Variants in PFKP observed in about 807,000 individuals in gnomAD.
PFKP encodes the protein phosphofructokinase, platelet.
A neutral mutation model predicts 94.3 loss-of-function variants in PFKP; 101 were observed. The ratio of observed to expected loss-of-function variants is 1.07; its 90% CI spans 0.91 to 1.26. The LOEUF (loss-of-function observed/expected upper bound fraction) is 1.26, where lower values mean the gene tolerates loss of function less well. Among genes scored for constraint, PFKP ranks in the 50% most tolerant of loss-of-function variants. The pLI is 0.00. For synonymous variants in PFKP, 573 were observed against 432.6 expected, an observed-to-expected ratio of 1.32 and a Z score of -4.03; for missense variants, 1,145 against 1,103.3, an observed-to-expected ratio of 1.04 and a Z score of -0.53.
rs549195824 is a variant in PFKP, at chr10:3,106,077, C to T, written c.774+576C>T. 3.9e-5 allele frequency among the ~76,000 whole-genome samples: 6 copies of T among 152,324 alleles called. No individual in the cohort carries two copies. In the South Asian group the frequency reaches 1.2e-3, roughly 32 times the overall value. The stretch of plus-strand genomic sequence containing the variant: ...TCCGCTCACGCCGTTTTCTCTCTCC[C>T]GACTCTCTGCTGCTGGAGCCTGTGT... On this transcript the variant is annotated intron_variant, in intron 7 of 21. Transcript: ENST00000381125.
At chr10:3,115,038 C>T (rs34795068) in intron 13 of PFKP, among the ~76,000 whole-genome samples, 97,848 of 151,992 alleles carry the variant, frequency 0.64, 32,770 homozygotes, top group East Asian at 0.88. Context: ...ATGGAGGGCA[C>T]GGAGGGCAGA....
intron 2 of PFKP, among the ~76,000 whole-genome samples, chr10:3,086,612 A>G (rs78617938): frequency 0.036 from 5,410 of 152,240 alleles, 134 homozygotes; most frequent in South Asian, 0.084. Context: ...GTCCAGACCC[A>G]AATGTTGGTA....
chr10:3,118,203 T>C (rs1475643710), intron 14 of PFKP, among the ~76,000 whole-genome samples: 1 of 152,186 alleles, frequency 6.6e-6, no homozygotes, highest in Non-Finnish European at 1.5e-5. Context: ...GCACGGCGGC[T>C]CACACCTGTA....
intron 2 of PFKP, among the ~76,000 whole-genome samples, chr10:3,083,104 TG>T (rs1833215912): frequency 6.6e-6 from 1 of 152,226 alleles, no homozygotes; most frequent in African/African-American, 2.4e-5. Context: ...GTTGGTTGGT[TG>T]TATTTGTCTG....
At chr10:3,072,453 T>C (rs11251694) in intron 1 of PFKP, among the ~76,000 whole-genome samples, 34,946 of 152,136 alleles carry the variant, frequency 0.23, 4,268 homozygotes, top group East Asian at 0.31. Context: ...CCTTCCTGTG[T>C]ACATACATTA....
At chr10:3,095,266 A>ACGCGCATAGGTGAACTACGCGCATAG (rs139046692) in intron 2 of PFKP, among the ~76,000 whole-genome samples, 3 of 152,150 alleles carry the variant, frequency 2.0e-5, no homozygotes, top group Non-Finnish European at 4.4e-5. Flanking sequence ...TAGGTGAACT[A>ACGCGCATAGGTGAACTACGCGCATAG]GCTTACTCCA....
chr10:3,076,248 G>T (rs1184786531), intron 1 of PFKP, among the ~76,000 whole-genome samples: 1 of 152,122 alleles, frequency 6.6e-6, no homozygotes, highest in Non-Finnish European at 1.5e-5. Context: ...GTCACGCAAT[G>T]GGTGGCGTGT....
intron 2 of PFKP, among the ~76,000 whole-genome samples, chr10:3,092,021 G>A (rs941465014): frequency 2.6e-5 from 4 of 152,174 alleles, no homozygotes; most frequent in African/African-American, 9.7e-5. Flanking sequence ...GATAAAGGGT[G>A]TTGGTACAGC....
intron 16 of PFKP, among the ~76,000 whole-genome samples, chr10:3,127,442 TC>T (rs1411577150): frequency 2.6e-5 from 4 of 152,218 alleles, no homozygotes; most frequent in African/African-American, 9.6e-5. Context: ...TGACAGTAAT[TC>T]CCCACCTCAG....
intron 1 of PFKP, among the ~76,000 whole-genome samples, chr10:3,068,154 C>T (rs1239888788): frequency 6.6e-6 from 1 of 152,148 alleles, no homozygotes; most frequent in African/African-American, 2.4e-5. Context: ...GGGTACAGCG[C>T]GATCACTTCC....
Position 3,099,287 on chromosome 10 carries a change from A to C in PFKP, c.199A>C (p.Met67Leu). The part of the protein sequence containing the change: ...VYFIYEGYQG[M>L]VDGGSNIAEA... ...CTTTCTCCCCTAGGGCTACCAGGGCATGGTGGACGGAGGCTCAAACATCGC... is the reference window on the plus strand; with the variant it reads ...CTTTCTCCCCTAGGGCTACCAGGGCCTGGTGGACGGAGGCTCAAACATCGC... Residue 67 changes from methionine (M) to leucine (L), a missense_variant, in exon 3 of 22, where the codon ATG becomes CTG. Transcript: ENST00000381125. 2 of 1,613,806 alleles carry C rather than the reference A, an allele frequency of 1.2e-6. No individual in the cohort carries two copies. The highest frequency in any genetic ancestry group is 2.2e-5 in the East Asian group (1 of 44,878).
At chr10:3,130,102 G>A in intron 17 of PFKP, 119 bp downstream of exon 17, 1 of 897,228 alleles carries the variant, frequency 1.1e-6, no homozygotes, top group East Asian at 2.7e-5. Flanking sequence ...AGATGCTACA[G>A]AACATGCCAC....
chr10:3,112,114 C>G, intron 10 of PFKP, 108 bp from the exon 11 acceptor site: 1 of 887,906 alleles, frequency 1.1e-6, no homozygotes, highest in Non-Finnish European at 1.9e-6. Context: ...CTGCCCGGGT[C>G]AGACTGGAGG....
intron 16 of PFKP, among the ~76,000 whole-genome samples, chr10:3,122,214 C>T (rs1387341322): frequency 6.8e-6 from 1 of 146,492 alleles, no homozygotes; most frequent in Non-Finnish European, 1.5e-5. Flanking sequence ...TTGGTAAGTG[C>T]ATGTGTGTGT....
chr10:3,119,101 AC>A (rs3842695), intron 15 of PFKP, among the ~76,000 whole-genome samples: 59,417 of 151,752 alleles, frequency 0.39, 12,062 homozygotes, highest in Admixed American at 0.48. Flanking sequence ...TGACTCCTTA[AC>A]CCGGGCCTCA....
chr10:3,126,091 A>T (rs1245267260), intron 16 of PFKP, among the ~76,000 whole-genome samples: 1 of 152,124 alleles, frequency 6.6e-6, no homozygotes, highest in Non-Finnish European at 1.5e-5. Context: ...TTGCAGTGAA[A>T]ACTCCCAGTC....
chr10:3,108,930 G>T, intron 9 of PFKP, 137 bp downstream of exon 9: 1 of 681,438 alleles, frequency 1.5e-6, no homozygotes, highest in Non-Finnish European at 2.7e-6. Context: ...TCATCTTAAC[G>T]ATCCTTGAGA....
In PFKP at chr10:3,104,318, C is replaced by T. The variant is rs750787502; in HGVS notation, c.620+374C>T. On this transcript the variant is annotated intron_variant, in intron 5 of 21. Transcript: ENST00000381125. The stretch of plus-strand genomic sequence containing the variant: ...GCGATGTCCTGCCCTGTGTAACCTA[C>T]GGATTCACGAAGTGTCGTGGGGGCC... Among the ~76,000 whole-genome samples, 10 of 152,322 alleles carry T rather than the reference C, an allele frequency of 6.6e-5. No homozygotes were observed. In the East Asian group the frequency reaches 7.7e-4, roughly 12 times the overall value.
intron 3 of PFKP, among the ~76,000 whole-genome samples, chr10:3,100,056 GGTGT>G (rs55739223): frequency 0.011 from 1,477 of 137,778 alleles, 25 homozygotes; most frequent in African/African-American, 0.038. Context: ...GTAGGTGTGT[GGTGT>G]GTGTGTGTGT....
Sources: allele counts gnomAD v4.1 joint callset (sites outside exome capture counted in the v4.1 genomes callset), GRCh38; gene constraint gnomAD v4.1.1; transcripts MANE v1.5; gene names NCBI Gene and HGNC (gene_info 2026-07-23, HGNC 2026-07-21).